The following MOCOS variants were observed in gnomAD, a reference collection of about 807,000 sequenced individuals.
MOCOS encodes human molybdenum cofactor sulfurase.
Under a neutral mutation model 83.6 loss-of-function variants are expected in MOCOS, and 86 were observed. The ratio of observed to expected loss-of-function variants is 1.03; its 90% CI spans 0.86 to 1.23. The LOEUF (loss-of-function observed/expected upper bound fraction) is 1.23, where lower values mean the gene tolerates loss of function less well. MOCOS is among the 50% of genes most tolerant of loss of function. The pLI is 0.00. For synonymous variants in MOCOS, 445 were observed against 434.7 expected (o/e 1.02, Z -0.29); for missense variants, 1,120 against 1,126.9 (o/e 0.99, Z 0.09).
At chr18:36,229,616 T>C (rs2091530456) in intron 9 of MOCOS, among the ~76,000 whole-genome samples, 1 of 152,166 alleles carries the variant, frequency 6.6e-6, no homozygotes, top group South Asian at 2.1e-4. Context: ...TTTTCAAAGT[T>C]TTAGACTCCC....
chr18:36,252,248 T>G (rs1391588529), intron 11 of MOCOS, among the ~76,000 whole-genome samples: 4 of 152,110 alleles, frequency 2.6e-5, no homozygotes, highest in Non-Finnish European at 1.5e-5. Context: ...AGTTTGGGTG[T>G]GGTAGCTCAC....
intron 9 of MOCOS, among the ~76,000 whole-genome samples, chr18:36,245,532 T>G (rs1052309316): frequency 6.6e-6 from 1 of 152,216 alleles, no homozygotes; most frequent in Non-Finnish European, 1.5e-5. Context: ...GGGTTACTGA[T>G]GCTTTTGCCT....
At chr18:36,258,841 A>G (rs2091651979) in intron 12 of MOCOS, among the ~76,000 whole-genome samples, 4 of 152,172 alleles carry the variant, frequency 2.6e-5, no homozygotes. Flanking sequence ...TGATAAACAC[A>G]TTAAGTGTTT....
At chr18:36,220,933 GA>G (rs71712889) in intron 9 of MOCOS, among the ~76,000 whole-genome samples, 2,862 of 144,880 alleles carry the variant, frequency 0.02, 94 homozygotes, top group African/African-American at 0.07. Context: ...TGTCTCAAAA[GA>G]AAAAAAAAAA....
intron 9 of MOCOS, among the ~76,000 whole-genome samples, chr18:36,239,127 C>A (rs1380878669): frequency 6.7e-6 from 1 of 150,306 alleles, no homozygotes; most frequent in South Asian, 2.1e-4. Context: ...GCATTTAGTC[C>A]ATTTACATTT....
chr18:36,251,582 C>T (rs2091622164), intron 11 of MOCOS, among the ~76,000 whole-genome samples: 1 of 152,176 alleles, frequency 6.6e-6, no homozygotes, highest in Admixed American at 6.5e-5. Flanking sequence ...AATAAAAACC[C>T]TAATAGCTTG....
chr18:36,214,749 G>C (rs1279175454), intron 7 of MOCOS, among the ~76,000 whole-genome samples: 1 of 152,064 alleles, frequency 6.6e-6, no homozygotes, highest in African/African-American at 2.4e-5. Context: ...ATAGGAGAGA[G>C]GGAGGAGAAG....
At chr18:36,200,625 GT>G (rs757355893) in intron 4 of MOCOS, among the ~76,000 whole-genome samples, 3 of 152,216 alleles carry the variant, frequency 2.0e-5, no homozygotes, top group Non-Finnish European at 4.4e-5. Context: ...GGTAAGGAGG[GT>G]GAGCTACCAG....
At chr18:36,213,557 G>C in intron 7 of MOCOS, 75 bp downstream of exon 7, 2 of 1,186,538 alleles carry the variant, frequency 1.7e-6, no homozygotes, top group South Asian at 2.4e-5. Context: ...GTGTGTCTGG[G>C]GTGGGGGCTG....
chr18:36,200,457 C>T (rs1443695905), intron 4 of MOCOS, 133 bp downstream of exon 4: 1 of 1,153,240 alleles, frequency 8.7e-7, no homozygotes, highest in Non-Finnish European at 1.2e-6. Context: ...CAGGGACAGG[C>T]TGATGGCAGG....
At position 36,200,105 on chromosome 18, in the gene MOCOS, C is replaced by T. The variant is rs2091406490; in HGVS notation, c.722C>T (p.Ser241Phe). 1.9e-6 allele frequency: 3 copies of T among 1,614,202 alleles called. No individual in the cohort carries two copies. Among genetic ancestry groups the T allele is most frequent in the South Asian group, 1.1e-5 (1 of 91,084 alleles). Residue 241 changes from serine to phenylalanine, a missense_variant, in exon 4 of 15, where the codon TCC (serine) becomes TTC (phenylalanine). Physicochemically the swap from Ser to Phe is radical, Grantham distance 155. Coordinates refer to ENST00000261326, the MANE Select transcript of MOCOS (RefSeq NM_017947.4). ...TGGTTTGTGCTGCTGGATGCAGCCT[C>T]CTACGTGAGCACCTCGCCTTTGGAC... is the stretch of plus-strand genomic sequence containing the variant. ...GKWFVLLDAA[S>F]YVSTSPLDLS...
chr18:36,237,949 G>A (rs1427045048), intron 9 of MOCOS, among the ~76,000 whole-genome samples: 1 of 152,082 alleles, frequency 6.6e-6, no homozygotes, highest in Non-Finnish European at 1.5e-5. Flanking sequence ...TCTGACGGTA[G>A]TTTGTATTTC....
At chr18:36,217,608 G>T (rs1453154323) in intron 8 of MOCOS, among the ~76,000 whole-genome samples, 2 of 152,050 alleles carry the variant, frequency 1.3e-5, no homozygotes, top group African/African-American at 2.4e-5. Context: ...TGCTGGTGCT[G>T]TTAAAACCTA....
chr18:36,223,301 T>C (rs1031148155), intron 9 of MOCOS, among the ~76,000 whole-genome samples: 1 of 152,228 alleles, frequency 6.6e-6, no homozygotes, highest in Non-Finnish European at 1.5e-5. Flanking sequence ...TTTATTCTTT[T>C]ACATGTGGAT....
chr18:36,188,441 C>T (rs1207693948), intron 1 of MOCOS, among the ~76,000 whole-genome samples: 2 of 152,226 alleles, frequency 1.3e-5, no homozygotes, highest in African/African-American at 4.8e-5. Context: ...CTTGGCCGAC[C>T]CAGCCCTCTG....
At chr18:36,227,735 T>C (rs2091523248) in intron 9 of MOCOS, among the ~76,000 whole-genome samples, 2 of 152,088 alleles carry the variant, frequency 1.3e-5, no homozygotes, top group African/African-American at 2.4e-5. Context: ...AAAAGATGAG[T>C]TCTCTCCAAT....
rs2091429664 is a variant in MOCOS, at chr18:36,205,074, G to T, written c.1019-3G>T. ...TTCTCTTGTGTTTCATGATTGATTT[G>T]AGGTGGAATGGAGAATATAAAGCAG... On this transcript the variant is annotated splice_polypyrimidine_tract_variant and splice_region_variant and intron_variant, in intron 5 of 14. Coordinates refer to ENST00000261326, the MANE Select transcript of MOCOS (RefSeq NM_017947.4). 6.4e-7 allele frequency: 1 copy of T among 1,563,584 alleles called. No individual in the cohort carries two copies. Among genetic ancestry groups the T allele is most frequent in the Non-Finnish European group, 8.7e-7 (1 of 1,145,996 alleles).
chr18:36,188,164 G>C (rs1305149572), intron 1 of MOCOS, among the ~76,000 whole-genome samples: 1 of 152,198 alleles, frequency 6.6e-6, no homozygotes, highest in Non-Finnish European at 1.5e-5. Flanking sequence ...CCTCTTGGCC[G>C]GGGCCTCCCG....
Position 36,220,156 on chromosome 18 carries a change from G to T in MOCOS, c.1899G>T (p.Arg633=). The T allele has an allele frequency of 1.2e-6, 2 of 1,614,120 alleles. No individual in the cohort carries two copies. Among genetic ancestry groups the T allele is most frequent in the Non-Finnish European group, 1.7e-6 (2 of 1,180,030 alleles). The change falls in exon 9 of 15, where the codon CGG becomes CGT. Residue 633 remains arginine, a synonymous_variant. Transcript: ENST00000261326. The part of the protein sequence containing the change: ...GVCLSQKQEP[R]LCLIQPFIDL... ...GCCTGAGTCAGAAGCAGGAACCCCG[G>T]CTCTGCCTGATCCAGCCCTTCATCG...
Sources: gnomAD v4.1 joint callset for allele counts (sites outside exome capture counted in the v4.1 genomes callset) on GRCh38, gnomAD v4.1.1 for gene constraint, MANE v1.5 for transcripts, NCBI Gene and HGNC (gene_info 2026-07-23, HGNC 2026-07-21) for gene names.